Variants in SPAM1 observed in about 807,000 individuals in gnomAD.
SPAM1 encodes hyaluronidase PH-20.
A neutral mutation model predicts 29.6 loss-of-function variants in SPAM1; 22 were observed. That is an observed-to-expected ratio of 0.74 (90% CI 0.53 to 1.06). SPAM1 has a LOEUF of 1.06. Among genes scored for constraint, SPAM1 ranks in the 50% least tolerant of loss-of-function variants. SPAM1 has a pLI of 0.00. For missense variants in SPAM1, 534 were observed against 604.0 expected (o/e 0.88, Z 1.21); for synonymous variants, 194 against 204.6 (o/e 0.95, Z 0.44).
intron 4 of SPAM1, among the ~76,000 whole-genome samples, chr7:123,957,312 T>C (rs2117067039): frequency 1.3e-5 from 2 of 152,024 alleles, no homozygotes; most frequent in Non-Finnish European, 1.5e-5. Flanking sequence ...ATGAAGTCAA[T>C]TGTGTTAAAA....
intron 1 of SPAM1, among the ~76,000 whole-genome samples, chr7:123,926,233 C>T (rs1054045187): frequency 6.6e-5 from 10 of 152,134 alleles, no homozygotes; most frequent in Non-Finnish European, 1.0e-4. Flanking sequence ...TACTTCTTTT[C>T]CCTTGCAACA....
intron 2 of SPAM1, among the ~76,000 whole-genome samples, chr7:123,952,937 A>G (rs1478136132): frequency 6.6e-6 from 1 of 151,858 alleles, no homozygotes. Context: ...AGAAAGAAAG[A>G]GAAAAATGAA....
intron 4 of SPAM1, among the ~76,000 whole-genome samples, chr7:123,956,548 C>T (rs985102482): frequency 6.6e-6 from 1 of 151,940 alleles, no homozygotes; most frequent in African/African-American, 2.4e-5. Context: ...AGCCCTACTG[C>T]TCCCAGCTGA....
intron 1 of SPAM1, among the ~76,000 whole-genome samples, chr7:123,943,708 T>C (rs977709891): frequency 6.6e-6 from 1 of 152,120 alleles, no homozygotes; most frequent in African/African-American, 2.4e-5. Flanking sequence ...TTGGAAAGTG[T>C]TTCAAATATA....
At chr7:123,962,796 T>C (rs1166651070), downstream of SPAM1, among the ~76,000 whole-genome samples, 1 of 151,860 alleles carries the variant, frequency 6.6e-6, no homozygotes, top group East Asian at 1.9e-4. Flanking sequence ...CTGGTTTCAG[T>C]TTTTTTGTAC....
At position 123,954,384 on chromosome 7, in the gene SPAM1, G is replaced by T. The variant is rs780147908; in HGVS notation, c.814G>T (p.Val272Leu). ...TTATTTGAACACTCAGCAGTCTCCT[G>T]TAGCTGCTACACTCTATGTGCGCAA... ...SIYLNTQQSP[V>L]AATLYVRNRV... Residue 272 changes from valine (V) to leucine (L), a missense_variant, in exon 3 of 5, where the codon GTA becomes TTA. Transcript: ENST00000682466. 6.2e-7 allele frequency: 1 copy of T among 1,613,526 alleles called. No individual in the cohort carries two copies. Among genetic ancestry groups the T allele is most frequent in the South Asian group, 1.1e-5 (1 of 91,064 alleles).
chr7:123,939,195 C>T (rs1808348990), intron 1 of SPAM1, among the ~76,000 whole-genome samples: 1 of 151,686 alleles, frequency 6.6e-6, no homozygotes, highest in Non-Finnish European at 1.5e-5. Context: ...ACGCCATTCT[C>T]CTGCCTCAGC....
chr7:123,958,764 C>A (rs1274447332), intron 4 of SPAM1, among the ~76,000 whole-genome samples: 3 of 150,968 alleles, frequency 2.0e-5, no homozygotes, highest in African/African-American at 7.3e-5. Flanking sequence ...CCCAGGAGAT[C>A]AAAGGTGCAG....
chr7:123,966,964 G>A (rs1470017428), intron 5 of SPAM1, among the ~76,000 whole-genome samples: 1 of 151,900 alleles, frequency 6.6e-6, no homozygotes, highest in Non-Finnish European at 1.5e-5. Context: ...TAGGGAATAG[G>A]TTATCAAGGG....
intron 5 of SPAM1, among the ~76,000 whole-genome samples, chr7:123,969,504 A>C (rs553794096): frequency 6.6e-6 from 1 of 152,118 alleles, no homozygotes; most frequent in African/African-American, 2.4e-5. Flanking sequence ...TCTTCTGCAT[A>C]TGGGTATCCA....
chr7:123,953,592 C>T lies in SPAM1; in HGVS notation c.22C>T (p.His8Tyr). The T allele has an allele frequency of 6.3e-7, 1 of 1,595,744 alleles. No individual in the cohort carries two copies. Among genetic ancestry groups the T allele is most frequent in the Non-Finnish European group, 8.5e-7 (1 of 1,173,188 alleles). Residue 8 changes from histidine (H) to tyrosine (Y), a missense_variant, in exon 3 of 5, where the codon CAC becomes TAC. Physicochemically the swap from His to Tyr is moderately conservative, Grantham distance 83 (BLOSUM62 2). Transcript: ENST00000682466. MGVLKFK[H>Y]IFFRSFVKSS... ...TACAATGGGAGTGCTAAAATTCAAG[C>T]ACATCTTTTTCAGAAGCTTTGTTAA... is the stretch of plus-strand genomic sequence containing the variant.
intron 5 of SPAM1, among the ~76,000 whole-genome samples, chr7:123,967,557 TAGTATTTGTG>T: frequency 6.6e-6 from 1 of 151,922 alleles, no homozygotes; most frequent in East Asian, 1.9e-4. Context: ...GACTCCAATA[TAGTATTTGTG>T]AAACAGCATG....
intron 3 of SPAM1, 75 bp from the exon 4 acceptor site, chr7:123,954,922 C>T (rs1421248958): frequency 4.4e-6 from 4 of 912,126 alleles, no homozygotes; most frequent in Admixed American, 1.8e-5. Context: ...GCATGCTTAG[C>T]TTTTGCGTTG....
chr7:123,960,604 C>T (rs140659141), downstream of SPAM1, among the ~76,000 whole-genome samples: 6 of 152,020 alleles, frequency 3.9e-5, no homozygotes, highest in Non-Finnish European at 5.9e-5. Flanking sequence ...TCTTTTAAAG[C>T]GCAGAGCAGT....
At chr7:123,964,834 C>A (rs1792402437), downstream of SPAM1, among the ~76,000 whole-genome samples, 1 of 152,032 alleles carries the variant, frequency 6.6e-6, no homozygotes, top group African/African-American at 2.4e-5. Context: ...AAGGGCTGAG[C>A]AGCCAAAAAT....
At chr7:123,946,562 G>A (rs1394029701) in intron 1 of SPAM1, among the ~76,000 whole-genome samples, 12 of 152,176 alleles carry the variant, frequency 7.9e-5, no homozygotes, top group South Asian at 2.1e-4. Context: ...ATGTCCTCAA[G>A]TAGGTTAGGG....
chr7:123,964,047 G>GTATTT (rs10653907), downstream of SPAM1, among the ~76,000 whole-genome samples: 30,638 of 151,610 alleles, frequency 0.2, 3,904 homozygotes, highest in African/African-American at 0.37. Context: ...TATTTTATAA[G>GTATTT]ACAGTATATT....
chr7:123,939,851 C>T (rs1808373593), intron 1 of SPAM1, among the ~76,000 whole-genome samples: 1 of 152,106 alleles, frequency 6.6e-6, no homozygotes, highest in Non-Finnish European at 1.5e-5. Context: ...GATGTCTGAT[C>T]ACCCCGGCCA....
intron 4 of SPAM1, 38 bp downstream of exon 4, chr7:123,955,124 T>C: frequency 7.3e-7 from 1 of 1,363,718 alleles, no homozygotes; most frequent in Non-Finnish European, 1.0e-6. Context: ...AAAATATTTC[T>C]ATGTTTAATG....
Sources: gnomAD v4.1 joint callset for allele counts (sites outside exome capture counted in the v4.1 genomes callset) on GRCh38, gnomAD v4.1.1 for gene constraint, MANE v1.5 for transcripts, NCBI Gene and HGNC (gene_info 2026-07-23, HGNC 2026-07-21) for gene names.